TUSC3: variants seen among roughly 807,000 people sequenced by gnomAD.
The protein encoded by TUSC3 is tumor suppressor candidate 3.
TUSC3 carries 45 observed loss-of-function variants against 44.8 expected under a neutral mutation model. That is an observed-to-expected ratio of 1.00 (90% CI 0.79 to 1.29). TUSC3 has a LOEUF of 1.29. Ranked by LOEUF, TUSC3 falls within the 50% of genes most tolerant of loss-of-function variation. TUSC3 has a pLI of 0.00. For synonymous variants in TUSC3, 212 were observed against 152.9 expected, an observed-to-expected ratio of 1.39 and a Z score of -2.85; for missense variants, 519 against 437.9, an observed-to-expected ratio of 1.19 and a Z score of -1.65.
At chr8:15,459,122 T>G (rs1222716607) in intron 1 of TUSC3, among the ~76,000 whole-genome samples, 1 of 152,154 alleles carries the variant, frequency 6.6e-6, no homozygotes, top group Non-Finnish European at 1.5e-5. Context: ...TATGCCTTGA[T>G]TTTTTTAAAG....
upstream of TUSC3, among the ~76,000 whole-genome samples, chr8:15,535,895 C>G (rs1205551980): frequency 1.3e-5 from 2 of 152,186 alleles, no homozygotes; most frequent in Non-Finnish European, 2.9e-5. Context: ...CATGGTCAAA[C>G]TTGTCCAACT....
intron 7 of TUSC3, among the ~76,000 whole-genome samples, chr8:15,736,953 CATGAA>C (rs1237570672): frequency 6.6e-6 from 1 of 151,896 alleles, no homozygotes; most frequent in African/African-American, 2.4e-5. Context: ...AAGAAAATGA[CATGAA>C]ATAAATATTA....
At chr8:15,593,606 A>G (rs931066077) in intron 1 of TUSC3, among the ~76,000 whole-genome samples, 3 of 152,182 alleles carry the variant, frequency 2.0e-5, no homozygotes, top group Non-Finnish European at 4.4e-5. Context: ...TGTCACAAAG[A>G]TTAATTTAAT....
intron 10 of TUSC3, among the ~76,000 whole-genome samples, chr8:15,762,708 T>G (rs1410983827): frequency 1.3e-5 from 2 of 152,228 alleles, no homozygotes; most frequent in South Asian, 2.1e-4. Context: ...CCCTCATTCT[T>G]CAGTTAGCTT....
At chr8:15,754,972 A>G (rs1387279305) in intron 9 of TUSC3, among the ~76,000 whole-genome samples, 1 of 152,058 alleles carries the variant, frequency 6.6e-6, no homozygotes, top group African/African-American at 2.4e-5. Flanking sequence ...TACTTTCAAA[A>G]TTGTTGTTTT....
chr8:15,738,138 C>T (rs1811013310), intron 7 of TUSC3, among the ~76,000 whole-genome samples: 1 of 152,122 alleles, frequency 6.6e-6, no homozygotes, highest in South Asian at 2.1e-4. Flanking sequence ...AGAAAACTCA[C>T]TTTTGCAAGA....
chr8:15,509,155 G>A (rs1259474907), intron 2 of TUSC3, among the ~76,000 whole-genome samples: 1 of 152,198 alleles, frequency 6.6e-6, no homozygotes, highest in Non-Finnish European at 1.5e-5. Flanking sequence ...CTTTTGCTCT[G>A]CTAAGAATCC....
At chr8:15,504,514 C>G (rs1801017377) in intron 2 of TUSC3, among the ~76,000 whole-genome samples, 1 of 141,152 alleles carries the variant, frequency 7.1e-6, no homozygotes, top group African/African-American at 2.6e-5. Context: ...ATTGCCCTTC[C>G]TTTAGGTTGC....
intron 1 of TUSC3, among the ~76,000 whole-genome samples, chr8:15,456,900 C>G (rs187509584): frequency 5.9e-5 from 9 of 152,090 alleles, no homozygotes; most frequent in African/African-American, 2.2e-4. Context: ...AAAGCATTGA[C>G]TTGAATAAAA....
chr8:15,556,328 T>G (rs548073061), intron 1 of TUSC3, among the ~76,000 whole-genome samples: 3 of 150,662 alleles, frequency 2.0e-5, no homozygotes, highest in African/African-American at 4.8e-5. Context: ...ACAAAGGACA[T>G]GAACTCATCA....
the TUSC3 span, among the ~76,000 whole-genome samples, chr8:15,833,329 T>C: frequency 6.6e-6 from 1 of 152,174 alleles, no homozygotes; most frequent in African/African-American, 2.4e-5. Context: ...AAGACAGAAA[T>C]ACCATTTGAC....
At chr8:15,654,721 C>G (rs548851972) in intron 3 of TUSC3, among the ~76,000 whole-genome samples, 1 of 152,010 alleles carries the variant, frequency 6.6e-6, no homozygotes, top group African/African-American at 2.4e-5. Flanking sequence ...TGCTTGAACC[C>G]AGGATATTGA....
chr8:15,818,472 T>C, the TUSC3 span, among the ~76,000 whole-genome samples: 1 of 152,212 alleles, frequency 6.6e-6, no homozygotes, highest in Non-Finnish European at 1.5e-5. Context: ...TGTTCTTAGA[T>C]CTGTTGATTG....
chr8:15,538,014 A>G (rs1286243182), upstream of TUSC3, among the ~76,000 whole-genome samples: 1 of 152,156 alleles, frequency 6.6e-6, no homozygotes, highest in South Asian at 2.1e-4. Context: ...TGGAGCTCTT[A>G]TGTACGCACA....
rs183706993 is a variant in TUSC3, at chr8:15,423,654, C to T, written n.91+6349C>T. 2.5e-3 allele frequency among the ~76,000 whole-genome samples: 388 copies of T among 152,304 alleles called. 1 individual carries two copies. The highest frequency in any genetic ancestry group is 4.0e-3 in the Non-Finnish European group (273 of 68,032). On this transcript the variant is annotated intron_variant and non_coding_transcript_variant, in intron 1 of 5. Transcript: ENST00000503191. ...TACCTGCTCACCATTACTAGAAGTG[C>T]ACATCCTTGCCCTGGTTCTCTCTTG...
intron 6 of TUSC3, among the ~76,000 whole-genome samples, chr8:15,679,249 C>G (rs749997483): frequency 4.6e-5 from 7 of 152,092 alleles, no homozygotes; most frequent in Non-Finnish European, 1.0e-4. Context: ...CCCTTTTCTC[C>G]ACAGCCTTGG....
chr8:15,584,991 A>G (rs1407785906), intron 1 of TUSC3, among the ~76,000 whole-genome samples: 1 of 152,238 alleles, frequency 6.6e-6, no homozygotes, highest in African/African-American at 2.4e-5. Flanking sequence ...TGCTTATTAA[A>G]AAGATAACCT....
At chr8:15,531,727 G>A (rs557576753) in intron 2 of TUSC3, among the ~76,000 whole-genome samples, 3 of 152,294 alleles carry the variant, frequency 2.0e-5, no homozygotes, top group East Asian at 3.9e-4. Context: ...CACTGTTAAT[G>A]TATTTTGCTG....
the TUSC3 span, among the ~76,000 whole-genome samples, chr8:15,772,116 C>G: frequency 2.0e-5 from 3 of 151,606 alleles, no homozygotes; most frequent in Non-Finnish European, 2.9e-5. Flanking sequence ...AAAGAAAGAT[C>G]TTGAATTAAT....
Sources: gnomAD v4.1 joint callset for allele counts (sites outside exome capture counted in the v4.1 genomes callset) on GRCh38, gnomAD v4.1.1 for gene constraint, MANE v1.5 for transcripts, NCBI Gene and HGNC (gene_info 2026-07-23, HGNC 2026-07-21) for gene names.